The following USP13 variants were observed in gnomAD, a reference collection of about 807,000 sequenced individuals.
The protein encoded by USP13 is ubiquitin carboxyl-terminal hydrolase 13.
Under a neutral mutation model 107.8 loss-of-function variants are expected in USP13, and 68 were observed. The ratio of observed to expected loss-of-function variants is 0.63; its 90% CI spans 0.52 to 0.77. The LOEUF (loss-of-function observed/expected upper bound fraction) is 0.77, where lower values mean the gene tolerates loss of function less well. USP13 is among the 30% of genes least tolerant of loss of function. The pLI is 0.00. For missense variants in USP13, 945 were observed against 1,093.3 expected (o/e 0.86, Z 1.91); for synonymous variants, 377 against 389.5 (o/e 0.97, Z 0.38).
intron 1 of USP13, among the ~76,000 whole-genome samples, chr3:179,655,786 C>T (rs998452336): frequency 1.4e-4 from 22 of 152,050 alleles, no homozygotes; most frequent in African/African-American, 5.3e-4. Flanking sequence ...CTCCTGACCT[C>T]AAGTGATCCA....
rs550386750 is a variant in USP13, at chr3:179,730,662, C to G, written c.1207C>G (p.Pro403Ala). The change falls in exon 10 of 21, where the codon CCG becomes GCG. Residue 403 changes from proline to alanine, a missense_variant. Pro to Ala is a conservative substitution (Grantham distance 27). Coordinates refer to ENST00000263966, the MANE Select transcript of USP13 (RefSeq NM_003940.3). Reference protein sequence around the residue: ...GLLSGQYSKPPVKSELIEQVM... With the variant: ...GLLSGQYSKPAVKSELIEQVM... ...TCTCTCAGGCCAGTATTCAAAGCCTCCGGTGAAATCTGAACTCATTGAACA... is the reference window on the plus strand; with the variant it reads ...TCTCTCAGGCCAGTATTCAAAGCCTGCGGTGAAATCTGAACTCATTGAACA... The G allele has an allele frequency of 6.2e-7, 1 of 1,614,130 alleles. No individual in the cohort carries two copies. The highest frequency in any genetic ancestry group is 1.3e-5 in the African/African-American group (1 of 75,054).
In USP13 at chr3:179,678,975, T is replaced by TTTTATTTA. The variant is rs796667928; in HGVS notation, c.169-2890_169-2883dup. On this transcript the variant is annotated intron_variant, in intron 1 of 20. Coordinates refer to ENST00000263966, the MANE Select transcript of USP13 (RefSeq NM_003940.3). This position sits in a 1 kb window ranked among gnomAD's most constrained non-coding sequence, Gnocchi z 4.2. ...CTTCTTTCTTTGTGATCTTTATACC[T>TTTTATTTA]TTTATTTATTTATTTATTTAGTTTG... Among the ~76,000 whole-genome samples the TTTTATTTA allele has an allele frequency of 2.0e-5, 3 of 152,172 alleles. No individual in the cohort carries two copies. Among genetic ancestry groups the TTTTATTTA allele is most frequent in the Non-Finnish European group, 4.4e-5 (3 of 68,036 alleles).
chr3:179,712,086 T>C (rs973232554), intron 6 of USP13, among the ~76,000 whole-genome samples: 3 of 152,216 alleles, frequency 2.0e-5, no homozygotes, highest in African/African-American at 7.2e-5. Flanking sequence ...TGCAGTCCAT[T>C]GTTGACCAAA....
chr3:179,704,812 GAT>G (rs1266811700), intron 4 of USP13, among the ~76,000 whole-genome samples: 1 of 152,182 alleles, frequency 6.6e-6, no homozygotes, highest in South Asian at 2.1e-4. Flanking sequence ...ATCTCTAATG[GAT>G]TATAAGCTTG....
intron 19 of USP13, among the ~76,000 whole-genome samples, chr3:179,776,112 C>T (rs1715527106): frequency 1.3e-5 from 2 of 152,198 alleles, no homozygotes; most frequent in Non-Finnish European, 2.9e-5. Context: ...AACATCCAAA[C>T]TATATCAAGT....
At chr3:179,683,507 A>G (rs1711749461) in intron 2 of USP13, among the ~76,000 whole-genome samples, 1 of 152,222 alleles carries the variant, frequency 6.6e-6, no homozygotes, top group African/African-American at 2.4e-5. Context: ...CAATCATGGT[A>G]GAAGGCAAAA....
intron 17 of USP13, among the ~76,000 whole-genome samples, chr3:179,763,563 A>G (rs1289255014): frequency 1.3e-5 from 2 of 152,186 alleles, no homozygotes; most frequent in African/African-American, 4.8e-5. Flanking sequence ...TAATCGATCC[A>G]TATGTCTGCC....
Position 179,720,051 on chromosome 3 carries a change from T to C in USP13, c.900+17T>C. On this transcript the variant is annotated intron_variant, in intron 7 of 20. Transcript: ENST00000263966. ...ATGCATGGGGTGAGGTCTCCTTTTG[T>C]TTCTGTTTCCATCTTGCATGGGGTA... 6.2e-7 allele frequency: 1 copy of C among 1,607,844 alleles called. No homozygotes were observed. Among genetic ancestry groups the C allele is most frequent in the Non-Finnish European group, 8.5e-7 (1 of 1,175,492 alleles).
chr3:179,763,792 G>C (rs1041041698), intron 17 of USP13, among the ~76,000 whole-genome samples: 3 of 152,102 alleles, frequency 2.0e-5, no homozygotes, highest in African/African-American at 7.2e-5. Flanking sequence ...TGCCATGTTG[G>C]CCAGGCTGGC....
chr3:179,676,385 C>T (rs567732425), intron 1 of USP13, among the ~76,000 whole-genome samples: 19 of 152,206 alleles, frequency 1.2e-4, no homozygotes, highest in Admixed American at 5.9e-4. Context: ...TGGAGGCATG[C>T]GCTTTACCAT....
At chr3:179,735,534 C>CT (rs1361798704) in intron 10 of USP13, among the ~76,000 whole-genome samples, 1 of 151,934 alleles carries the variant, frequency 6.6e-6, no homozygotes, top group Non-Finnish European at 1.5e-5. Flanking sequence ...TCCTGCAAAT[C>CT]TGGTTCCACC....
chr3:179,663,813 C>T (rs1200880473), intron 1 of USP13, among the ~76,000 whole-genome samples: 1 of 152,236 alleles, frequency 6.6e-6, no homozygotes, highest in Non-Finnish European at 1.5e-5. Flanking sequence ...CTTGCCCCTC[C>T]ATGTGCTTGC....
chr3:179,730,524 C>G, intron 9 of USP13, 92 bp from the exon 10 acceptor site: 1 of 1,055,678 alleles, frequency 9.5e-7, no homozygotes, highest in Admixed American at 2.2e-5. Context: ...CACCTAACAG[C>G]AGTTGTACTT....
At chr3:179,702,016 T>C (rs1214996947) in intron 4 of USP13, among the ~76,000 whole-genome samples, 1 of 152,144 alleles carries the variant, frequency 6.6e-6, no homozygotes, top group Non-Finnish European at 1.5e-5. Context: ...CCATTTCTTT[T>C]TCTTTGTTTT....
At chr3:179,729,328 G>T (rs1419990536) in intron 8 of USP13, among the ~76,000 whole-genome samples, 1 of 152,220 alleles carries the variant, frequency 6.6e-6, no homozygotes, top group Non-Finnish European at 1.5e-5. Flanking sequence ...TCACTAAACT[G>T]ACTTAGCAGG....
intron 10 of USP13, among the ~76,000 whole-genome samples, chr3:179,739,826 T>C (rs567781678): frequency 1.2e-4 from 19 of 152,296 alleles, no homozygotes; most frequent in Non-Finnish European, 8.8e-5. Flanking sequence ...CCCAAAATGC[T>C]AGGATTACAG....
chr3:179,778,441 A>G (rs1348199569), intron 19 of USP13, among the ~76,000 whole-genome samples: 1 of 152,322 alleles, frequency 6.6e-6, no homozygotes, highest in African/African-American at 2.4e-5. Flanking sequence ...GTAAAAGCTG[A>G]TAGACAATAA....
intron 1 of USP13, among the ~76,000 whole-genome samples, chr3:179,660,825 C>T (rs1720436476): frequency 6.6e-6 from 1 of 152,286 alleles, no homozygotes; most frequent in South Asian, 2.1e-4. Context: ...AAGATATAAA[C>T]TTAAAGTAAA....
Position 179,742,246 on chromosome 3 carries a change from TG to T in USP13, c.1432del (p.Glu478LysfsTer21). The T allele has an allele frequency of 6.2e-7, 1 of 1,614,234 alleles. No homozygotes were observed. On this transcript the variant is annotated frameshift_variant, in exon 12 of 21. Coordinates refer to ENST00000263966, the MANE Select transcript of USP13 (RefSeq NM_003940.3). LOFTEE classifies it high-confidence loss of function. This position sits in a 1 kb window ranked among gnomAD's most constrained non-coding sequence, Gnocchi z 5.0. The stretch of plus-strand genomic sequence containing the variant: ...CCAAGCGATGTTTTTCGTTTTTTGG[TG>T]GAAGAACGCATTCAGTGCTGTCAGA... ...ENPSDVFRFLVEERIQCCQTR... is the reference protein window; with the variant it reads ...ENPSDVFRFLXEERIQCCQTR...
Sources: gnomAD v4.1 joint callset for allele counts (sites outside exome capture counted in the v4.1 genomes callset) on GRCh38, gnomAD v4.1.1 for gene constraint, Gnocchi (gnomAD v3.1) non-coding constraint, MANE v1.5 for transcripts, NCBI Gene and HGNC (gene_info 2026-07-23, HGNC 2026-07-21) for gene names.